The following GNA14 variants were observed in gnomAD, a reference collection of about 807,000 sequenced individuals.
The protein encoded by GNA14 is guanine nucleotide-binding protein subunit alpha-14.
In GNA14, 50 loss-of-function variants were observed where a neutral mutation model predicts 42.0. The ratio of observed to expected loss-of-function variants is 1.19; its 90% CI spans 0.95 to 1.51. GNA14 has a LOEUF of 1.51. Among genes scored for constraint, GNA14 ranks in the 40% most tolerant of loss-of-function variants. The probability of loss-of-function intolerance (pLI) is 0.00; values close to 1 mark genes in which losing one functional copy is unlikely to be tolerated. For synonymous variants in GNA14, 173 were observed against 163.1 expected, an observed-to-expected ratio of 1.06 and a Z score of -0.46; for missense variants, 473 against 446.2, an observed-to-expected ratio of 1.06 and a Z score of -0.54.
intron 2 of GNA14, among the ~76,000 whole-genome samples, chr9:77,451,224 C>T (rs1461071322): frequency 6.6e-6 from 1 of 152,078 alleles, no homozygotes; most frequent in Admixed American, 6.5e-5. Flanking sequence ...TGACCCTAAG[C>T]CCTCAGTTTC....
intron 2 of GNA14, among the ~76,000 whole-genome samples, chr9:77,498,124 A>G (rs1836902866): frequency 6.6e-6 from 1 of 152,224 alleles, no homozygotes. Context: ...CTGTAATCCC[A>G]GCACTTTGGG....
At chr9:77,607,260 C>T (rs1823656841) in intron 1 of GNA14, among the ~76,000 whole-genome samples, 1 of 152,178 alleles carries the variant, frequency 6.6e-6, no homozygotes, top group African/African-American at 2.4e-5. Context: ...TAATCACTGG[C>T]TCACACAGAC....
At chr9:77,527,172 C>G (rs73460024) in intron 2 of GNA14, among the ~76,000 whole-genome samples, 3,572 of 152,264 alleles carry the variant, frequency 0.023, 158 homozygotes, top group African/African-American at 0.081. Flanking sequence ...AAATCACCCC[C>G]CAAGAACATT....
intron 2 of GNA14, among the ~76,000 whole-genome samples, chr9:77,506,531 G>A (rs1219632946): frequency 1.3e-5 from 2 of 152,114 alleles, no homozygotes; most frequent in Non-Finnish European, 2.9e-5. Context: ...ACAAAAATTA[G>A]CTGGGCTTGG....
chr9:77,436,914 T>TGGGAAGACGGAAGCCCGTGCA, intron 2 of GNA14, among the ~76,000 whole-genome samples: 1 of 151,992 alleles, frequency 6.6e-6, no homozygotes, highest in East Asian at 1.9e-4. Flanking sequence ...CATACTAGGG[T>TGGGAAGACGGAAGCCCGTGCA]GGGAAGACGG....
At chr9:77,563,868 A>C (rs1207052758) in intron 1 of GNA14, among the ~76,000 whole-genome samples, 3 of 152,232 alleles carry the variant, frequency 2.0e-5, no homozygotes, top group South Asian at 2.1e-4. Context: ...GAAGCATTAC[A>C]TGTTTGTTTG....
intron 2 of GNA14, among the ~76,000 whole-genome samples, chr9:77,436,151 C>G (rs532031692): frequency 6.6e-5 from 10 of 152,218 alleles, no homozygotes; most frequent in Non-Finnish European, 1.2e-4. Context: ...TTTCCCCACA[C>G]CTGTCAGGAA....
chr9:77,442,634 A>T (rs992760001), intron 2 of GNA14, among the ~76,000 whole-genome samples: 2 of 152,200 alleles, frequency 1.3e-5, no homozygotes, highest in African/African-American at 4.8e-5. Flanking sequence ...AGGATTCCAT[A>T]GGGCAGCCTT....
intron 1 of GNA14, among the ~76,000 whole-genome samples, chr9:77,554,084 G>A (rs1383779655): frequency 2.0e-5 from 3 of 152,176 alleles, no homozygotes; most frequent in Non-Finnish European, 4.4e-5. Context: ...CAAATTCCAA[G>A]TCTGCCACTT....
At chr9:77,577,822 T>TC (rs1222827684) in intron 1 of GNA14, among the ~76,000 whole-genome samples, 1 of 151,958 alleles carries the variant, frequency 6.6e-6, no homozygotes, top group Non-Finnish European at 1.5e-5. Flanking sequence ...GTAGTCATGT[T>TC]TTTTTTTAAG....
At chr9:77,620,936 T>C (rs1823912223) in intron 1 of GNA14, among the ~76,000 whole-genome samples, 1 of 152,024 alleles carries the variant, frequency 6.6e-6, no homozygotes. Context: ...ACTTTATTTT[T>C]TATTTATTTA....
intron 1 of GNA14, among the ~76,000 whole-genome samples, chr9:77,622,339 A>G (rs1407252929): frequency 1.3e-5 from 2 of 152,202 alleles, no homozygotes. Flanking sequence ...AAAGAATAAG[A>G]AATATTGGTC....
chr9:77,561,678 CA>C (rs1235765411), intron 1 of GNA14, among the ~76,000 whole-genome samples: 2 of 151,994 alleles, frequency 1.3e-5, no homozygotes, highest in Non-Finnish European at 2.9e-5. Flanking sequence ...CTTGGAATGA[CA>C]AAAAAATTTC....
At chr9:77,445,316 C>T (rs553536099) in intron 2 of GNA14, among the ~76,000 whole-genome samples, 3 of 152,186 alleles carry the variant, frequency 2.0e-5, no homozygotes, top group South Asian at 2.1e-4. Flanking sequence ...CTCAGTAGAA[C>T]ACAGTCAAGT....
At chr9:77,598,211 A>G (rs1823498121) in intron 1 of GNA14, among the ~76,000 whole-genome samples, 1 of 152,174 alleles carries the variant, frequency 6.6e-6, no homozygotes, top group Admixed American at 6.5e-5. Context: ...TAGGGGTTCT[A>G]TCACCCAAAA....
At chr9:77,434,000 A>C (rs143117421) in intron 3 of GNA14, among the ~76,000 whole-genome samples, 4 of 152,316 alleles carry the variant, frequency 2.6e-5, no homozygotes, top group Non-Finnish European at 5.9e-5. Flanking sequence ...GAGAGGAGGA[A>C]AGTAGAAGCC....
At chr9:77,482,342 T>C (rs1836570348) in intron 2 of GNA14, among the ~76,000 whole-genome samples, 1 of 152,198 alleles carries the variant, frequency 6.6e-6, no homozygotes, top group African/African-American at 2.4e-5. Context: ...AAAAGAATTC[T>C]GGGTTGAAAA....
chr9:77,506,935 A>T (rs1362369288), intron 2 of GNA14, among the ~76,000 whole-genome samples: 1 of 152,170 alleles, frequency 6.6e-6, no homozygotes, highest in Non-Finnish European at 1.5e-5. Context: ...TTAATCACTT[A>T]TCCTCACATT....
intron 2 of GNA14, among the ~76,000 whole-genome samples, chr9:77,464,727 C>T (rs2043310213): frequency 6.6e-6 from 1 of 152,088 alleles, no homozygotes; most frequent in African/African-American, 2.4e-5. Context: ...GAATTACATC[C>T]CTGCTAAAAG....
Sources: gnomAD v4.1 joint callset for allele counts (sites outside exome capture counted in the v4.1 genomes callset) on GRCh38, gnomAD v4.1.1 for gene constraint, MANE v1.5 for transcripts, NCBI Gene and HGNC (gene_info 2026-07-23, HGNC 2026-07-21) for gene names.